Variants in IGFALS observed in about 807,000 individuals in gnomAD.
The protein encoded by IGFALS is insulin like growth factor binding protein acid labile subunit, also known as insulin-like growth factor-binding protein complex acid labile subunit.
Under a neutral mutation model 2.6 loss-of-function variants are expected in IGFALS, and 2 were observed. The ratio of observed to expected loss-of-function variants is 0.77; its 90% CI spans 0.32 to 2.44. The LOEUF (loss-of-function observed/expected upper bound fraction) is 2.44, where lower values mean the gene tolerates loss of function less well. Ranked by LOEUF, IGFALS falls within the 30% of genes most tolerant of loss-of-function variation. The pLI, the probability that IGFALS is intolerant of heterozygous loss-of-function variation, is 0.11. For synonymous variants in IGFALS, 519 were observed against 431.9 expected, an observed-to-expected ratio of 1.20 and a Z score of -2.50; for missense variants, 996 against 848.7, an observed-to-expected ratio of 1.17 and a Z score of -2.16.
chr16:1,790,723 G>C lies in IGFALS; in HGVS notation c.1695C>G (p.Ile565Met), dbSNP rs1398830977. 9.3e-6 allele frequency: 15 copies of C among 1,608,332 alleles called. No individual in the cohort carries two copies. The highest frequency in any genetic ancestry group is 5.3e-5 in the African/African-American group (4 of 74,878). Residue 565 changes from isoleucine (I) to methionine (M), a missense_variant, in exon 2 of 2, where the codon ATC becomes ATG. Ile to Met is a conservative substitution (Grantham distance 10, BLOSUM62 1). Transcript: ENST00000215539. Reference sequence around the variant, plus strand: ...GCGGCTGGCAATCGTCCCCCTCACAGATGGCCTGGACGAAGCGGGGCACAG... The same window carrying C: ...GCGGCTGGCAATCGTCCCCCTCACACATGGCCTGGACGAAGCGGGGCACAG... ...PSAVPRFVQA[I>M]CEGDDCQPPA...
upstream of IGFALS, among the ~76,000 whole-genome samples, chr16:1,794,031 C>T (rs1010634908): frequency 5.9e-5 from 9 of 152,134 alleles, no homozygotes; most frequent in Non-Finnish European, 1.3e-4. Context: ...TTTGGGGAGC[C>T]CAGGGTTTTA....
Position 1,790,800 on chromosome 16 carries a change from AG to A in IGFALS, c.1617del (p.Cys540ValfsTer129), listed in dbSNP as rs1357117881. On this transcript the variant is annotated frameshift_variant, in exon 2 of 2. Coordinates refer to ENST00000215539, the MANE Select transcript of IGFALS (RefSeq NM_004970.3). LOFTEE classifies it low-confidence loss of function (END_TRUNC). ...CGCAGCGCCTTGAGAGGGCAGCCAC[AG>A]TCCCAGGGGTTACCCTCCAGCCACA... ...ERLWLEGNPW[D>X]CGCPLKALRD... 3 of 1,572,160 alleles carry A rather than the reference AG, an allele frequency of 1.9e-6. No homozygotes were observed. Among genetic ancestry groups the A allele is most frequent in the Non-Finnish European group, 2.6e-6 (3 of 1,160,324 alleles).
Position 1,790,852 on chromosome 16 carries a change from C to G in IGFALS, c.1566G>C (p.Thr522=), listed in dbSNP as rs2230053. ...GGCGCTCCAGGCCCGGGGGCTGCGG[C>G]GTGAAGGTCCGCAGTGAGTTGTTCC... ...SLRNNSLRTF[T]PQPPGLERLW... The change falls in exon 2 of 2, where the codon ACG becomes ACC. Residue 522 remains threonine (T), a synonymous_variant. Transcript: ENST00000215539. The G allele has an allele frequency of 6.4e-7, 1 of 1,565,808 alleles. No individual in the cohort carries two copies. Among genetic ancestry groups the G allele is most frequent in the Non-Finnish European group, 8.6e-7 (1 of 1,156,646 alleles).
chr16:1,794,477 T>G (rs573198034), upstream of IGFALS, among the ~76,000 whole-genome samples: 2 of 152,098 alleles, frequency 1.3e-5, no homozygotes, highest in African/African-American at 4.8e-5. Flanking sequence ...GGTGAGGGCC[T>G]GGCCGCCCCA....
Position 1,792,518 on chromosome 16 carries a change from G to A in IGFALS, c.17-117C>T, listed in dbSNP as rs917353074. On this transcript the variant is annotated intron_variant, in intron 1 of 1. Transcript: ENST00000215539. ...GAACTGAGGCTCGAGGTCACCCGCT[G>A]AGATGCGAAGAAGCCGGTGAGCCCC... is the stretch of plus-strand genomic sequence containing the variant. The A allele has an allele frequency of 1.1e-5, 16 of 1,431,760 alleles. No individual in the cohort carries two copies. In the Admixed American group the frequency reaches 3.4e-4, roughly 31 times the overall value. The allele number at this position is 1,431,760 out of a possible 1,614,324, so 88.7% of individuals were successfully genotyped here.
intron 1 of IGFALS, 42 bp from the exon 2 acceptor site, chr16:1,792,443 C>A: frequency 6.6e-7 from 1 of 1,505,032 alleles, no homozygotes; most frequent in Non-Finnish European, 8.8e-7. Flanking sequence ...GAGGAGGGCT[C>A]TGCCCGAGTG....
At position 1,791,827 on chromosome 16, in the gene IGFALS, G is replaced by C; in HGVS notation, c.591C>G (p.Arg197=). The C allele has an allele frequency of 6.5e-7, 1 of 1,549,556 alleles. No homozygotes were observed. The highest frequency in any genetic ancestry group is 8.7e-7 in the Non-Finnish European group (1 of 1,148,834). The part of the protein sequence containing the change: ...DAAFRGLGSL[R]ELVLAGNRLA... Reference sequence around the variant, plus strand: ...GCCTGTTGCCCGCCAGCACCAGCTCGCGCAGGCTGCCCAGGCCGCGGAACG... The same window carrying C: ...GCCTGTTGCCCGCCAGCACCAGCTCCCGCAGGCTGCCCAGGCCGCGGAACG... Residue 197 remains arginine (R), a synonymous_variant, in exon 2 of 2, where the codon CGC becomes CGG. Coordinates refer to ENST00000215539, the MANE Select transcript of IGFALS (RefSeq NM_004970.3).
Position 1,793,676 on chromosome 16 carries a change from G to C in IGFALS, c.-24C>G. 1 of 1,583,986 alleles carries C rather than the reference G, an allele frequency of 6.3e-7. No homozygotes were observed. The highest frequency in any genetic ancestry group is 1.1e-5 in the South Asian group (1 of 87,146). ...ATCCTGCATGCAGGGCAGGCTGCAG[G>C]CAGGCAGCGAGGGAGGGTACGTCTG... On this transcript the variant is annotated 5_prime_UTR_variant, in exon 1 of 2. Coordinates refer to ENST00000215539, the MANE Select transcript of IGFALS (RefSeq NM_004970.3).
chr16:1,792,989 C>A (rs1261492173), intron 1 of IGFALS, among the ~76,000 whole-genome samples: 1 of 152,198 alleles, frequency 6.6e-6, no homozygotes, highest in African/African-American at 2.4e-5. Flanking sequence ...AGGTAGGAAC[C>A]CTGGACCGTC....
rs1017403469 is a variant in IGFALS at position 1,791,500 on chromosome 16, C to T, written c.918G>A (p.Arg306=). 9.9e-6 allele frequency: 16 copies of T among 1,609,358 alleles called. No homozygotes were observed. In the African/African-American group the frequency reaches 1.7e-4, roughly 17 times the overall value. Reference sequence around the variant, plus strand: ...AGTGCAGGTCCTTGAAGGTGCGGGGCCGCAGGCTGGCGATGGCGTTGTGGG... The same window carrying T: ...AGTGCAGGTCCTTGAAGGTGCGGGGTCGCAGGCTGGCGATGGCGTTGTGGG... ...RLSHNAIASL[R]PRTFKDLHFL... Residue 306 remains arginine, a synonymous_variant, in exon 2 of 2, where the codon CGG becomes CGA. Coordinates refer to ENST00000215539, the MANE Select transcript of IGFALS (RefSeq NM_004970.3).
Position 1,791,117 on chromosome 16 carries a change from G to A in IGFALS, c.1301C>T (p.Ala434Val), listed in dbSNP as rs372854299. 1.1e-5 allele frequency: 18 copies of A among 1,602,548 alleles called. No individual in the cohort carries two copies. The highest frequency in any genetic ancestry group is 1.7e-4 in the Middle Eastern group (1 of 5,980). ...GIEEQSLWGL[A>V]ELLELDLTSN... ...GGTCAGGTCGAGCTCCAGCAGCTCC[G>A]CCAGCCCCCACAGGCTCTGCTCCTC... The change falls in exon 2 of 2, where the codon GCG (alanine) becomes GTG (valine). Residue 434 changes from alanine to valine, a missense_variant. Coordinates refer to ENST00000215539, the MANE Select transcript of IGFALS (RefSeq NM_004970.3).
At position 1,793,670 on chromosome 16, in the gene IGFALS, CTG is replaced by C. The variant is rs1184997794; in HGVS notation, c.-20_-19del. ...AGGGCCATCCTGCATGCAGGGCAGG[CTG>C]CAGGCAGGCAGCGAGGGAGGGTACG... is the stretch of plus-strand genomic sequence containing the variant. On this transcript the variant is annotated 5_prime_UTR_variant, in exon 1 of 2. Coordinates refer to ENST00000215539, the MANE Select transcript of IGFALS (RefSeq NM_004970.3). The C allele has an allele frequency of 1.5e-5, 24 of 1,592,214 alleles. No homozygotes were observed. The African/African-American group carries it at 3.0e-4, about 20-fold the overall frequency.
chr16:1,792,632 G>A (rs71385718), intron 1 of IGFALS: 3 of 710,836 alleles, frequency 4.2e-6, no homozygotes, highest in Non-Finnish European at 6.2e-6. Flanking sequence ...CAGACGCTCA[G>A]GGCTTGGCTC....
chr16:1,791,137 C>G lies in IGFALS; in HGVS notation c.1281G>C (p.Glu427Asp), dbSNP rs756878975. The G allele has an allele frequency of 6.2e-7, 1 of 1,605,164 alleles. No homozygotes were observed. The highest frequency in any genetic ancestry group is 8.5e-7 in the Non-Finnish European group (1 of 1,179,762). The change falls in exon 2 of 2, where the codon GAG (glutamate) becomes GAC (aspartate). Residue 427 changes from glutamate to aspartate, a missense_variant. Glu to Asp is a conservative substitution (Grantham distance 45). Transcript: ENST00000215539. Reference sequence around the variant, plus strand: ...GCTCCGCCAGCCCCCACAGGCTCTGCTCCTCAATGCCCACGAGGCCGTTGT... The same window carrying G: ...GCTCCGCCAGCCCCCACAGGCTCTGGTCCTCAATGCCCACGAGGCCGTTGT... ...LKDNGLVGIE[E>D]QSLWGLAELL...
chr16:1,790,659 G>C lies in IGFALS; in HGVS notation c.1759C>G (p.Pro587Ala). ...TYNNITCASP[P>A]EVVGLDLRDL... ...CGCAGGTCGAGCCCCACGACCTCGG[G>C]CGGGCTGGCACAGGTGATGTTGTTG... Residue 587 changes from proline (P) to alanine (A), a missense_variant, in exon 2 of 2, where the codon CCC becomes GCC. By Grantham distance (27) the Pro-to-Ala change is conservative. Transcript: ENST00000215539. 1 of 1,599,286 alleles carries C rather than the reference G, an allele frequency of 6.3e-7. No homozygotes were observed. The highest frequency in any genetic ancestry group is 8.5e-7 in the Non-Finnish European group (1 of 1,173,904).
rs1269099489 is a variant in IGFALS, at chr16:1,791,291, T to C, written c.1127A>G (p.Asn376Ser). ...VMNLSGNCLR[N>S]LPEQVFRGLG... Reference sequence around the variant, plus strand: ...GCCCCGGAACACCTGCTCCGGAAGGTTCCGGAGACAGTTCCCAGAGAGGTT... The same window carrying C: ...GCCCCGGAACACCTGCTCCGGAAGGCTCCGGAGACAGTTCCCAGAGAGGTT... The change falls in exon 2 of 2, where the codon AAC (asparagine) becomes AGC (serine). Residue 376 changes from asparagine (N) to serine (S), a missense_variant. By Grantham distance (46) the Asn-to-Ser change is conservative. Transcript: ENST00000215539. 1.4e-5 allele frequency: 22 copies of C among 1,608,878 alleles called. No homozygotes were observed. Among genetic ancestry groups the C allele is most frequent in the Non-Finnish European group, 1.7e-5 (20 of 1,179,906 alleles).
Position 1,792,256 on chromosome 16 carries a change from A to G in IGFALS, c.162T>C (p.Asp54=), listed in dbSNP as rs911520855. ...ACVCSYDDDA[D]ELSVFCSSRN... Reference sequence around the variant, plus strand: ...TGGAGCTGCAGAAGACGCTGAGCTCATCCGCGTCGTCATCGTAGCTGCAGA... The same window carrying G: ...TGGAGCTGCAGAAGACGCTGAGCTCGTCCGCGTCGTCATCGTAGCTGCAGA... The change falls in exon 2 of 2, where the codon GAT becomes GAC. Residue 54 remains aspartate (D), a synonymous_variant. Coordinates refer to ENST00000215539, the MANE Select transcript of IGFALS (RefSeq NM_004970.3). The G allele has an allele frequency of 6.2e-7, 1 of 1,602,338 alleles. No homozygotes were observed. The highest frequency in any genetic ancestry group is 8.5e-7 in the Non-Finnish European group (1 of 1,179,708).
intron 1 of IGFALS, 174 bp from the exon 2 acceptor site, chr16:1,792,575 G>T (rs547069763): frequency 4.0e-6 from 5 of 1,257,604 alleles, no homozygotes; most frequent in Non-Finnish European, 5.3e-6. Flanking sequence ...CTGACACTGC[G>T]CTTCCCACCC....
Position 1,791,555 on chromosome 16 carries a change from C to T in IGFALS, c.863G>A (p.Gly288Asp), listed in dbSNP as rs1206283341. 1.3e-6 allele frequency: 2 copies of T among 1,572,124 alleles called. No individual in the cohort carries two copies. The highest frequency in any genetic ancestry group is 1.4e-5 in the African/African-American group (1 of 73,782). ...VAGLLEDTFP[G>D]LLGLRVLRLS... ...CCGCAGCACACGCAGGCCCAGCAGA[C>T]CGGGGAACGTGTCCTCCAGGAGGCC... is the stretch of plus-strand genomic sequence containing the variant. The change falls in exon 2 of 2, where the codon GGT (glycine) becomes GAT (aspartate). Residue 288 changes from glycine to aspartate, a missense_variant. By Grantham distance (94) the Gly-to-Asp change is moderately conservative. Transcript: ENST00000215539.
Sources: allele counts gnomAD v4.1 joint callset (sites outside exome capture counted in the v4.1 genomes callset), GRCh38; gene constraint gnomAD v4.1.1; transcripts MANE v1.5; gene names NCBI Gene and HGNC (gene_info 2026-07-23, HGNC 2026-07-21).